ERCC6L2: variants seen among roughly 807,000 people sequenced by gnomAD.
ERCC6L2 encodes the protein ERCC excision repair 6 like 2, also known as DNA excision repair protein ERCC-6-like 2.
Under a neutral mutation model 132.0 loss-of-function variants are expected in ERCC6L2, and 77 were observed. The ratio of observed to expected loss-of-function variants is 0.58; its 90% CI spans 0.49 to 0.71. ERCC6L2 has a LOEUF of 0.71. ERCC6L2 is among the 30% of genes least tolerant of loss of function. ERCC6L2 has a pLI of 0.00. For synonymous variants in ERCC6L2, 583 were observed against 632.4 expected, an observed-to-expected ratio of 0.92 and a Z score of 1.17; for missense variants, 1,542 against 1,837.6, an observed-to-expected ratio of 0.84 and a Z score of 2.94.
chr9:95,992,475 C>T (rs78538717), intron 17 of ERCC6L2, among the ~76,000 whole-genome samples: 1 of 152,104 alleles, frequency 6.6e-6, no homozygotes, highest in African/African-American at 2.4e-5. Context: ...GTTACTTTCT[C>T]TAATGCATAA....
intron 17 of ERCC6L2, among the ~76,000 whole-genome samples, chr9:95,991,507 TAGAC>T (rs1220326731): frequency 1.8e-4 from 28 of 152,178 alleles, no homozygotes; most frequent in Non-Finnish European, 3.1e-4. Flanking sequence ...GAATGACTGA[TAGAC>T]AGACTGGTTA....
At chr9:95,903,827 T>C (rs985138860) in intron 3 of ERCC6L2, among the ~76,000 whole-genome samples, 5 of 152,000 alleles carry the variant, frequency 3.3e-5, no homozygotes, top group African/African-American at 1.2e-4. Context: ...GAATGTAAAA[T>C]TGGAATCTTT....
chr9:95,935,293 A>G (rs888974701), intron 11 of ERCC6L2, among the ~76,000 whole-genome samples: 1 of 152,202 alleles, frequency 6.6e-6, no homozygotes, highest in African/African-American at 2.4e-5. Context: ...TTTTAGGCAC[A>G]GAGAATAGCA....
At chr9:95,926,633 GAAT>G (rs949914001) in intron 9 of ERCC6L2, among the ~76,000 whole-genome samples, 1 of 152,118 alleles carries the variant, frequency 6.6e-6, no homozygotes, top group African/African-American at 2.4e-5. Flanking sequence ...GGGGAGGAAA[GAAT>G]GAGTAGGTGA....
chr9:96,031,386 G>C (rs1834458952), intron 19 of ERCC6L2, among the ~76,000 whole-genome samples: 1 of 152,196 alleles, frequency 6.6e-6, no homozygotes, highest in East Asian at 1.9e-4. Context: ...ATTGTTCCTT[G>C]TATACCAAGG....
intron 17 of ERCC6L2, among the ~76,000 whole-genome samples, chr9:96,002,566 G>A (rs931953908): frequency 2.6e-5 from 4 of 151,868 alleles, no homozygotes; most frequent in African/African-American, 9.7e-5. Context: ...GGACTACAGG[G>A]GCACGCCACC....
chr9:96,000,129 C>T (rs913494329), intron 17 of ERCC6L2, among the ~76,000 whole-genome samples: 14 of 151,990 alleles, frequency 9.2e-5, no homozygotes, highest in South Asian at 4.2e-4. Context: ...CCTCGTGATC[C>T]GCCCACCTCG....
intron 2 of ERCC6L2, among the ~76,000 whole-genome samples, chr9:95,891,751 A>G (rs2132568191): frequency 1.3e-5 from 2 of 152,326 alleles, no homozygotes; most frequent in South Asian, 4.1e-4. Flanking sequence ...ACTATGTGTT[A>G]AGTGGTATTT....
chr9:96,024,615 C>T (rs1834337915), intron 19 of ERCC6L2, among the ~76,000 whole-genome samples: 2 of 152,200 alleles, frequency 1.3e-5, no homozygotes, highest in South Asian at 2.1e-4. Context: ...TAGTCTCATG[C>T]ACCCACCATA....
intron 19 of ERCC6L2, among the ~76,000 whole-genome samples, chr9:96,038,347 C>T (rs916338307): frequency 1.3e-5 from 2 of 152,030 alleles, no homozygotes; most frequent in Non-Finnish European, 2.9e-5. Context: ...CCTCTTCCCC[C>T]GAAGTATGTG....
At position 96,015,015 on chromosome 9, in the gene ERCC6L2, G is replaced by T. The variant is rs1454289334; in HGVS notation, c.*1812G>T. ...GCTCTATAGTCTTCATATATGTACA[G>T]TTTTTTTTTTTTTTTTTTTTTTTTT... On this transcript the variant is annotated 3_prime_UTR_variant, in exon 19 of 19. Coordinates refer to ENST00000653738, the MANE Select transcript of ERCC6L2 (RefSeq NM_020207.7). Among the ~76,000 whole-genome samples, 31 of 65,418 alleles carry T rather than the reference G, an allele frequency of 4.7e-4. No homozygotes were observed. Among genetic ancestry groups the T allele is most frequent in the East Asian group, 1.1e-3 (2 of 1,796 alleles). The allele number at this position is 65,418 out of a possible 152,430, so 42.9% of individuals were successfully genotyped here. A position where few individuals can be genotyped will look rare whatever the true frequency, so the allele number is the denominator to read the frequency against.
intron 3 of ERCC6L2, among the ~76,000 whole-genome samples, chr9:95,901,354 T>C (rs1828767812): frequency 6.6e-6 from 1 of 152,158 alleles, no homozygotes; most frequent in Admixed American, 6.5e-5. Flanking sequence ...CACCATAGAA[T>C]TCTTCCAAAT....
chr9:95,944,030 A>G (rs1830933563), intron 12 of ERCC6L2, among the ~76,000 whole-genome samples: 1 of 152,202 alleles, frequency 6.6e-6, no homozygotes, highest in African/African-American at 2.4e-5. Context: ...GGTATATACC[A>G]AAAAGAATTG....
intron 12 of ERCC6L2, chr9:95,955,017 T>G: frequency 2.5e-6 from 1 of 399,464 alleles, no homozygotes; most frequent in South Asian, 1.9e-5. Flanking sequence ...TTCAAGCATA[T>G]AGGCAGTATG....
At chr9:95,957,666 C>CAGT (rs1379255666) in intron 13 of ERCC6L2, among the ~76,000 whole-genome samples, 1 of 151,614 alleles carries the variant, frequency 6.6e-6, no homozygotes, top group Non-Finnish European at 1.5e-5. Context: ...ATACATTGTG[C>CAGT]AGTAGTATAT....
Position 95,883,614 on chromosome 9 carries a change from A to G in ERCC6L2, c.471+2321A>G, listed in dbSNP as rs562115116. ...GGTGGTTCACACCTGTAATCCCAGC[A>G]CTTTGGGAGGCCAAGGCGGGCGGAT... On this transcript the variant is annotated intron_variant, in intron 2 of 18. Transcript: ENST00000653738. 3.2e-4 allele frequency among the ~76,000 whole-genome samples: 49 copies of G among 152,246 alleles called. 1 individual carries two copies. Among genetic ancestry groups the G allele is most frequent in the Non-Finnish European group, 6.8e-4 (46 of 68,046 alleles).
At position 96,017,426 on chromosome 9, in the gene ERCC6L2, C is replaced by G. The variant is rs1834205176; in HGVS notation, c.*4223C>G. On this transcript the variant is annotated 3_prime_UTR_variant, in exon 19 of 19. Transcript: ENST00000653738. Reference sequence around the variant, plus strand: ...CAGATTCGCCCTTCCTTCCCAAGTCCCAGGCTGTGTGGTTCCCAGCCCCAA... The same window carrying G: ...CAGATTCGCCCTTCCTTCCCAAGTCGCAGGCTGTGTGGTTCCCAGCCCCAA... Among the ~76,000 whole-genome samples the G allele has an allele frequency of 6.6e-6, 1 of 152,116 alleles. No individual in the cohort carries two copies. The highest frequency in any genetic ancestry group is 2.4e-5 in the African/African-American group (1 of 41,456).
chr9:96,039,242 G>T (rs1473821906), intron 20 of ERCC6L2, among the ~76,000 whole-genome samples: 2 of 152,194 alleles, frequency 1.3e-5, no homozygotes, highest in Non-Finnish European at 2.9e-5. Context: ...TGGAGCATGG[G>T]GTGGGTCCCA....
At chr9:95,938,627 T>A (rs1299375724) in intron 11 of ERCC6L2, among the ~76,000 whole-genome samples, 1 of 152,178 alleles carries the variant, frequency 6.6e-6, no homozygotes, top group Non-Finnish European at 1.5e-5. Context: ...GGACTAATAT[T>A]AATATAGCCA....
Sources: allele counts gnomAD v4.1 joint callset (sites outside exome capture counted in the v4.1 genomes callset), GRCh38; gene constraint gnomAD v4.1.1; transcripts MANE v1.5; gene names NCBI Gene and HGNC (gene_info 2026-07-23, HGNC 2026-07-21).